The following ZSWIM8 variants were observed in gnomAD, a reference collection of about 807,000 sequenced individuals.
The protein encoded by ZSWIM8 is zinc finger SWIM-type containing 8.
A neutral mutation model predicts 173.7 loss-of-function variants in ZSWIM8; 27 were observed. The ratio of observed to expected loss-of-function variants is 0.16; its 90% CI spans 0.11 to 0.21. ZSWIM8 has a LOEUF of 0.21. Among genes scored for constraint, ZSWIM8 ranks in the 10% least tolerant of loss-of-function variants. The pLI is 1.00. For missense variants in ZSWIM8, 1,627 were observed against 2,428.8 expected (o/e 0.67, Z 6.94); for synonymous variants, 958 against 962.0 (o/e 1.00, Z 0.08).
rs371150839 is a variant in ZSWIM8, at chr10:73,801,555, G to C, written c.*36G>C. The C allele has an allele frequency of 7.5e-6, 12 of 1,607,986 alleles. No individual in the cohort carries two copies. In the African/African-American group the frequency reaches 1.6e-4, roughly 21 times the overall value. On this transcript the variant is annotated 3_prime_UTR_variant, in exon 26 of 26. Coordinates refer to ENST00000604729, the MANE Select transcript of ZSWIM8 (RefSeq NM_001367799.1). This position sits in a 1 kb window ranked among gnomAD's most constrained non-coding sequence, Gnocchi z 4.9. The stretch of plus-strand genomic sequence containing the variant: ...CTTAGGGTCCTATACAGGGACCCAG[G>C]CCTGTGGCTATGGGGGCCCCTCACA...
In ZSWIM8 at chr10:73,789,346, C is replaced by T; in HGVS notation, c.458-21C>T. 1 of 1,553,614 alleles carries T rather than the reference C, an allele frequency of 6.4e-7. No homozygotes were observed. Among genetic ancestry groups the T allele is most frequent in the Non-Finnish European group, 8.7e-7 (1 of 1,147,916 alleles). On this transcript the variant is annotated intron_variant, in intron 3 of 25. Transcript: ENST00000604729. This position sits in a 1 kb window ranked among gnomAD's most constrained non-coding sequence, Gnocchi z 6.8. ...CCAGGTCCTGACAGCACTCCCTGAC[C>T]ATGCCCCCATTTCTCCCCAGGGTTC...
chr10:73,800,239 A>G lies in ZSWIM8; in HGVS notation c.4826-57A>G. 11 of 1,611,158 alleles carry G rather than the reference A, an allele frequency of 6.8e-6. No homozygotes were observed. Among genetic ancestry groups the G allele is most frequent in the Non-Finnish European group, 9.3e-6 (11 of 1,177,912 alleles). ...ACTGGGCAGGGGAGGTGGGGAGGGA[A>G]TGTTCTTTGTCTCTCTTTGGGCTCT... On this transcript the variant is annotated intron_variant, in intron 22 of 25. Transcript: ENST00000604729. The surrounding 1 kb of genome is among the most constrained non-coding windows in gnomAD (Gnocchi z 4.1).
Position 73,791,862 on chromosome 10 carries a change from C to A in ZSWIM8, c.1323C>A (p.Arg441=), listed in dbSNP as rs576627636. The change falls in exon 10 of 26, where the codon CGC becomes CGA. Residue 441 remains arginine (R), a synonymous_variant. Coordinates refer to ENST00000604729, the MANE Select transcript of ZSWIM8 (RefSeq NM_001367799.1). This position sits in a 1 kb window ranked among gnomAD's most constrained non-coding sequence, Gnocchi z 6.0. The stretch of plus-strand genomic sequence containing the variant: ...CTCCTGCCCCTTGTTCCCACAGGCG[C>A]CGGGAACTGTGTACGCAGCTGCGGC... The part of the protein sequence containing the change: ...VLDPALSPQR[R]RELCTQLRQW... The A allele has an allele frequency of 1.1e-4, 162 of 1,512,550 alleles. 1 individual carries two copies. The East Asian group carries it at 2.6e-3, about 25-fold the overall frequency. The allele number at this position is 1,512,550 out of a possible 1,614,324, so 93.7% of individuals were successfully genotyped here. A position where few individuals can be genotyped will look rare whatever the true frequency, so the allele number is the denominator to read the frequency against.
intron 21 of ZSWIM8, 90 bp downstream of exon 21, chr10:73,799,580 G>A (rs932834319): frequency 4.6e-6 from 7 of 1,528,194 alleles, no homozygotes; most frequent in Non-Finnish European, 6.2e-6. Context: ...AGTATAATTG[G>A]TCAGTCGGAG....
Position 73,801,722 on chromosome 10 carries a change from TG to T in ZSWIM8, c.*206del. ...TAGGGCTGGGGGAGACAGCCCTGTC[TG>T]GGAGGGGGCGTTGGGTGGCCTCTGG... On this transcript the variant is annotated 3_prime_UTR_variant, in exon 26 of 26. Transcript: ENST00000604729. This position sits in a 1 kb window ranked among gnomAD's most constrained non-coding sequence, Gnocchi z 4.9. The T allele has an allele frequency of 6.5e-7, 1 of 1,531,318 alleles. No homozygotes were observed. The highest frequency in any genetic ancestry group is 1.4e-5 in the African/African-American group (1 of 73,062). The allele number at this position is 1,531,318 out of a possible 1,614,324, so 94.9% of individuals were successfully genotyped here. A position where few individuals can be genotyped will look rare whatever the true frequency, so the allele number is the denominator to read the frequency against.
intron 1 of ZSWIM8, 45 bp downstream of exon 1, chr10:73,786,131 G>C (rs769992523): frequency 3.4e-6 from 5 of 1,484,692 alleles, no homozygotes; most frequent in Admixed American, 4.5e-5. Context: ...CCCTGCTTGG[G>C]CCTCGCTCGG....
chr10:73,796,568 T>C (rs1162957470), intron 15 of ZSWIM8: 1 of 631,250 alleles, frequency 1.6e-6, no homozygotes, highest in East Asian at 2.8e-5. Flanking sequence ...CCCTGTGGTG[T>C]TAATGGAGGA....
chr10:73,790,428 G>C, intron 7 of ZSWIM8, 136 bp downstream of exon 7: 1 of 1,301,582 alleles, frequency 7.7e-7, no homozygotes, highest in South Asian at 1.5e-5. Flanking sequence ...CTGGCACACA[G>C]TTGTCACTAA....
Position 73,785,796 on chromosome 10 carries a change from C to G in ZSWIM8, c.-83C>G. 1 of 1,427,598 alleles carries G rather than the reference C, an allele frequency of 7.0e-7. No homozygotes were observed. Among genetic ancestry groups the G allele is most frequent in the Non-Finnish European group, 9.3e-7 (1 of 1,069,652 alleles). The allele number at this position is 1,427,598 out of a possible 1,614,324, so 88.4% of individuals were successfully genotyped here. ...CCCAGCCCCGGCTCGCCCCTCAGGC[C>G]CCGGGCCTCCCCTCAACCCCCGGCC... On this transcript the variant is annotated 5_prime_UTR_variant, in exon 1 of 26. Coordinates refer to ENST00000604729, the MANE Select transcript of ZSWIM8 (RefSeq NM_001367799.1).
rs1308308492 is a variant in ZSWIM8, at chr10:73,798,158, A to C, written c.3953-72A>C. 4.4e-6 allele frequency: 7 copies of C among 1,595,210 alleles called. No individual in the cohort carries two copies. In the East Asian group the frequency reaches 1.3e-4, roughly 31 times the overall value. On this transcript the variant is annotated intron_variant, in intron 19 of 25. Coordinates refer to ENST00000604729, the MANE Select transcript of ZSWIM8 (RefSeq NM_001367799.1). ...TCTTTGTGGGGTTACTGATCTGATA[A>C]AAAGACATTATTCTCACACCCCAGT...
rs777065093 is a variant in ZSWIM8, at chr10:73,791,778, C to T, written c.1320-81C>T. 2.1e-6 allele frequency: 3 copies of T among 1,433,816 alleles called. No individual in the cohort carries two copies. Among genetic ancestry groups the T allele is most frequent in the Non-Finnish European group, 1.8e-6 (2 of 1,085,240 alleles). 88.8% of individuals were successfully genotyped at this position (1,433,816 alleles called of 1,614,324 possible). A position where few individuals can be genotyped will look rare whatever the true frequency, so the allele number is the denominator to read the frequency against. On this transcript the variant is annotated intron_variant, in intron 9 of 25. Coordinates refer to ENST00000604729, the MANE Select transcript of ZSWIM8 (RefSeq NM_001367799.1). The surrounding 1 kb of genome is among the most constrained non-coding windows in gnomAD (Gnocchi z 6.0). ...ACTTTCCTGTATCCTTTCCCCATGC[C>T]TCTCTTTGGGGTGTACACCTACTCC...
chr10:73,794,109 GAC>G lies in ZSWIM8; in HGVS notation c.2626-33_2626-32del, dbSNP rs367947208. ...AGAGCCTTGCACCTTGATCTCTATT[GAC>G]ACACCAGAGGTCTGAGCTCCTTCCT... On this transcript the variant is annotated intron_variant, in intron 12 of 25. Coordinates refer to ENST00000604729, the MANE Select transcript of ZSWIM8 (RefSeq NM_001367799.1). 1.7e-4 allele frequency: 268 copies of G among 1,612,660 alleles called. 6 individuals carry two copies. In the African/African-American group the frequency reaches 2.8e-3, roughly 17 times the overall value.
intron 1 of ZSWIM8, 21 bp downstream of exon 1, chr10:73,786,107 A>G (rs908351953): frequency 1.2e-5 from 19 of 1,531,274 alleles, no homozygotes; most frequent in Non-Finnish European, 1.7e-5. Flanking sequence ...GCTGGGGGGA[A>G]GAGGAGCGGC....
In ZSWIM8 at chr10:73,797,623, C is replaced by T; in HGVS notation, c.3662+18C>T. 6.2e-7 allele frequency: 1 copy of T among 1,611,896 alleles called. No individual in the cohort carries two copies. The highest frequency in any genetic ancestry group is 8.5e-7 in the Non-Finnish European group (1 of 1,178,470). Reference sequence around the variant, plus strand: ...GTTGGCAGGTCAGTGGGAAGAACTCCCCATCTTCCCTGATCTGGCCCACCC... The same window carrying T: ...GTTGGCAGGTCAGTGGGAAGAACTCTCCATCTTCCCTGATCTGGCCCACCC... On this transcript the variant is annotated intron_variant, in intron 18 of 25. Coordinates refer to ENST00000604729, the MANE Select transcript of ZSWIM8 (RefSeq NM_001367799.1). This position sits in a 1 kb window ranked among gnomAD's most constrained non-coding sequence, Gnocchi z 5.6.
At chr10:73,793,041 G>T (rs900859563) in intron 10 of ZSWIM8, among the ~76,000 whole-genome samples, 189 bp downstream of exon 10, 2 of 152,164 alleles carry the variant, frequency 1.3e-5, no homozygotes, top group African/African-American at 4.8e-5. Context: ...AAATGTGATG[G>T]TGTCACTCTG....
In ZSWIM8 at chr10:73,790,015, C is replaced by A. The variant is rs778291602; in HGVS notation, c.798C>A (p.Ile266=). The part of the protein sequence containing the change: ...DELLSSQSTA[I]NTVCGAPDPT... ...TCCTGTCTTCCCAGTCAACAGCCAT[C>A]AATACAGTGTGTGGAGCTCCGGGTG... Residue 266 remains isoleucine, a synonymous_variant, in exon 6 of 26, where the codon ATC becomes ATA. Transcript: ENST00000604729. 1.1e-5 allele frequency: 17 copies of A among 1,613,092 alleles called. No homozygotes were observed. The highest frequency in any genetic ancestry group is 1.4e-5 in the Non-Finnish European group (17 of 1,179,538).
intron 14 of ZSWIM8, chr10:73,794,926 TAAAA>T (rs34754583): frequency 1.0e-3 from 93 of 91,658 alleles, no homozygotes; most frequent in South Asian, 5.7e-3. Context: ...CATCTCTACT[TAAAA>T]AAAAAAAAAA....
rs1186597209 is a variant in ZSWIM8 at position 73,801,631 on chromosome 10, T to A, written c.*112T>A. On this transcript the variant is annotated 3_prime_UTR_variant, in exon 26 of 26. Coordinates refer to ENST00000604729, the MANE Select transcript of ZSWIM8 (RefSeq NM_001367799.1). The surrounding 1 kb of genome is among the most constrained non-coding windows in gnomAD (Gnocchi z 4.9). ...AGATCATCCTCACTCAGTTCCCTGG[T>A]AGCACAGACTGACAGCTGCTCTTGG... is the stretch of plus-strand genomic sequence containing the variant. 6.5e-7 allele frequency: 1 copy of A among 1,538,650 alleles called. No homozygotes were observed. The highest frequency in any genetic ancestry group is 2.0e-5 in the Admixed American group (1 of 51,044).
In ZSWIM8 at chr10:73,797,220, T is replaced by C. The variant is rs200504932; in HGVS notation, c.3382T>C (p.Tyr1128His). 1.9e-4 allele frequency: 309 copies of C among 1,613,956 alleles called. 1 individual carries two copies. The highest frequency in any genetic ancestry group is 2.4e-4 in the Non-Finnish European group (288 of 1,179,864). ...CTTGGCACTTGGCAGTCGTGGAGGC[T>C]ATAATGGACGGGGATGGGGGTCCCC... ...SRLALGSRGG[Y>H]NGRGWGSPGR... The change falls in exon 17 of 26, where the codon TAT (tyrosine) becomes CAT (histidine). Residue 1128 changes from tyrosine (Y) to histidine (H), a missense_variant. Physicochemically the swap from Tyr to His is moderately conservative, Grantham distance 83. This residue lies in a region of ZSWIM8 where 163 missense variants were observed against 193.2 expected (regional missense o/e 0.84). Transcript: ENST00000604729. This position sits in a 1 kb window ranked among gnomAD's most constrained non-coding sequence, Gnocchi z 5.6.
Sources: gnomAD v4.1 joint callset for allele counts (sites outside exome capture counted in the v4.1 genomes callset) on GRCh38, gnomAD v4.1.1 for gene constraint, gnomAD v4.1.1 regional missense constraint, Gnocchi (gnomAD v3.1) non-coding constraint, MANE v1.5 for transcripts, NCBI Gene and HGNC (gene_info 2026-07-23, HGNC 2026-07-21) for gene names.